Variants in THSD7A observed in about 807,000 individuals in gnomAD.
THSD7A encodes thrombospondin type 1 domain containing 7A, also known as thrombospondin type-1 domain-containing protein 7A.
In THSD7A, 96 loss-of-function variants were observed where a neutral mutation model predicts 231.3. The ratio of observed to expected loss-of-function variants is 0.41; its 90% confidence interval spans 0.35 to 0.49. The LOEUF is 0.49. Ranked by LOEUF, THSD7A falls within the 20% of genes least tolerant of loss-of-function variation. The pLI, the probability that THSD7A is intolerant of heterozygous loss-of-function variation, is 0.05. For missense variants in THSD7A, 2,290 were observed against 2,070.2 expected, an observed-to-expected ratio of 1.11 and a Z score of -2.06; for synonymous variants, 940 against 743.3, an observed-to-expected ratio of 1.26 and a Z score of -4.30.
At chr7:11,676,930 T>C (rs1002218299) in intron 1 of THSD7A, among the ~76,000 whole-genome samples, 2 of 151,964 alleles carry the variant, frequency 1.3e-5, no homozygotes, top group Admixed American at 6.6e-5. Context: ...ACCACAAAGA[T>C]ACTCCTCGAG....
intron 1 of THSD7A, among the ~76,000 whole-genome samples, chr7:11,750,783 C>T (rs1157803124): frequency 1.3e-5 from 2 of 151,962 alleles, no homozygotes; most frequent in African/African-American, 4.8e-5. Flanking sequence ...GACAAATTTG[C>T]AAGCTTAGCA....
chr7:11,525,919 G>C (rs1788455511), intron 6 of THSD7A, among the ~76,000 whole-genome samples: 1 of 152,094 alleles, frequency 6.6e-6, no homozygotes, highest in Non-Finnish European at 1.5e-5. Context: ...CAGCAGCACT[G>C]GGTGAAAACA....
chr7:11,379,146 C>G lies in THSD7A; in HGVS notation c.4725G>C (p.Arg1575=). 1 of 1,613,632 alleles carries G rather than the reference C, an allele frequency of 6.2e-7. No homozygotes were observed. Among genetic ancestry groups the G allele is most frequent in the African/African-American group, 1.3e-5 (1 of 75,028 alleles). The change falls in exon 26 of 28, where the codon CGG becomes CGC. Residue 1575 remains arginine (R), a synonymous_variant. Transcript: ENST00000423059. The stretch of plus-strand genomic sequence containing the variant: ...TGGAGGGTTGGGTTGGATGTACAGC[C>G]CGACTGGTTTTCACATCTCCTCTTT... ...EDKRGDVKTS[R]AVHPTQPSSN...
At chr7:11,527,938 A>G (rs890480270) in intron 6 of THSD7A, among the ~76,000 whole-genome samples, 1 of 152,122 alleles carries the variant, frequency 6.6e-6, no homozygotes, top group African/African-American at 2.4e-5. Context: ...GGATTGGTTG[A>G]TCCCAGGAGT....
At chr7:11,522,141 G>A (rs543228034) in intron 6 of THSD7A, among the ~76,000 whole-genome samples, 61 of 152,268 alleles carry the variant, frequency 4.0e-4, no homozygotes, top group Admixed American at 2.6e-3. Flanking sequence ...AACTGAAAGT[G>A]AGTGGTAAAG....
At chr7:11,639,470 C>A (rs371757578) in intron 1 of THSD7A, among the ~76,000 whole-genome samples, 89 of 152,062 alleles carry the variant, frequency 5.9e-4, no homozygotes, top group Non-Finnish European at 1.1e-3. Context: ...GAGATCGAGA[C>A]CATCCTGACT....
At chr7:11,677,070 C>T (rs914050332) in intron 1 of THSD7A, among the ~76,000 whole-genome samples, 1 of 152,166 alleles carries the variant, frequency 6.6e-6, no homozygotes, top group Non-Finnish European at 1.5e-5. Flanking sequence ...TTGGATCTCT[C>T]TGCAGAAATC....
chr7:11,588,875 A>T (rs1379235118), intron 4 of THSD7A, among the ~76,000 whole-genome samples: 7 of 152,208 alleles, frequency 4.6e-5, no homozygotes. Context: ...CTTCCTTATA[A>T]CCTCAAGATA....
intron 1 of THSD7A, among the ~76,000 whole-genome samples, chr7:11,808,261 C>T (rs923176986): frequency 6.6e-6 from 1 of 152,152 alleles, no homozygotes; most frequent in East Asian, 1.9e-4. Flanking sequence ...GGTGATTAGG[C>T]TCATGAGGAC....
At chr7:11,724,210 C>T (rs1781467229) in intron 1 of THSD7A, among the ~76,000 whole-genome samples, 1 of 151,870 alleles carries the variant, frequency 6.6e-6, no homozygotes, top group South Asian at 2.1e-4. Context: ...GTAGCTGCTA[C>T]TTAATGAGAT....
At position 11,632,068 on chromosome 7, in the gene THSD7A, A is replaced by G. The variant is rs1328173457; in HGVS notation, c.1022+4062T>C. Among the ~76,000 whole-genome samples, 1 of 152,202 alleles carries G rather than the reference A, an allele frequency of 6.6e-6. No homozygotes were observed. The highest frequency in any genetic ancestry group is 6.5e-5 in the Admixed American group (1 of 15,284). ...CTGTGCCTAATCTGTTTGTATAAAT[A>G]TAATTTATTATATTACTTGTTATCG... On this transcript the variant is annotated intron_variant, in intron 2 of 27. Transcript: ENST00000423059. This position sits in a 1 kb window ranked among gnomAD's most constrained non-coding sequence, Gnocchi z 4.1.
chr7:11,658,508 T>C lies in THSD7A; in HGVS notation c.191-21547A>G, dbSNP rs1220995297. Reference sequence around the variant, plus strand: ...TGGCATTTTCTTCAGTGTCACAATGTCTCTCTGAGGGTGTGTTACATTTTC... The same window carrying C: ...TGGCATTTTCTTCAGTGTCACAATGCCTCTCTGAGGGTGTGTTACATTTTC... On this transcript the variant is annotated intron_variant, in intron 1 of 27. Transcript: ENST00000423059. 4.6e-5 allele frequency among the ~76,000 whole-genome samples: 7 copies of C among 151,590 alleles called. No individual in the cohort carries two copies. In the East Asian group the frequency reaches 1.4e-3, roughly 29 times the overall value.
intron 2 of THSD7A, among the ~76,000 whole-genome samples, chr7:11,594,862 C>T (rs1177803304): frequency 1.3e-5 from 2 of 152,106 alleles, no homozygotes; most frequent in African/African-American, 4.8e-5. Context: ...CACAGCCTCA[C>T]CAGGTGTCTA....
chr7:11,537,426 T>C (rs971987331), intron 6 of THSD7A, among the ~76,000 whole-genome samples: 2 of 152,178 alleles, frequency 1.3e-5, no homozygotes, highest in Non-Finnish European at 2.9e-5. Flanking sequence ...TTTAGCACTA[T>C]CTCCTTGGTG....
intron 4 of THSD7A, among the ~76,000 whole-genome samples, chr7:11,575,145 ATCATCCTCG>A (rs1263025116): frequency 2.0e-5 from 3 of 152,204 alleles, no homozygotes; most frequent in East Asian, 1.9e-4. Context: ...GTAATCATCT[ATCATCCTCG>A]TCATCCTCTG....
chr7:11,397,907 C>A (rs547711247), intron 23 of THSD7A, among the ~76,000 whole-genome samples: 2 of 152,206 alleles, frequency 1.3e-5, no homozygotes, highest in South Asian at 4.1e-4. Flanking sequence ...ACAATGGATG[C>A]TAGAGAGGAT....
chr7:11,396,447 G>A (rs1185676298), intron 23 of THSD7A, among the ~76,000 whole-genome samples: 3 of 152,058 alleles, frequency 2.0e-5, no homozygotes, highest in Non-Finnish European at 4.4e-5. Flanking sequence ...AATGATAAAG[G>A]GGATATCATC....
chr7:11,532,943 T>A (rs1051626301), intron 6 of THSD7A, among the ~76,000 whole-genome samples: 2 of 152,170 alleles, frequency 1.3e-5, no homozygotes, highest in Non-Finnish European at 2.9e-5. Context: ...AATTCTTTGA[T>A]AACACCAGAG....
intron 2 of THSD7A, among the ~76,000 whole-genome samples, chr7:11,600,577 A>G (rs1241920586): frequency 6.6e-6 from 1 of 152,120 alleles, no homozygotes; most frequent in African/African-American, 2.4e-5. Context: ...TTTTCGTGAA[A>G]TTGGATGGAC....
Sources: gnomAD v4.1 joint callset for allele counts (sites outside exome capture counted in the v4.1 genomes callset) on GRCh38, gnomAD v4.1.1 for gene constraint, Gnocchi (gnomAD v3.1) non-coding constraint, MANE v1.5 for transcripts, NCBI Gene and HGNC (gene_info 2026-07-23, HGNC 2026-07-21) for gene names.